UTP20: variants seen among roughly 807,000 people sequenced by gnomAD.
The protein encoded by UTP20 is small subunit processome component 20 homolog.
Under a neutral mutation model 329.5 loss-of-function variants are expected in UTP20, and 164 were observed. That is an observed-to-expected ratio of 0.50 (90% CI 0.44 to 0.57). The LOEUF is 0.57. Among genes scored for constraint, UTP20 ranks in the 20% least tolerant of loss-of-function variants. UTP20 has a pLI of 0.00. For missense variants in UTP20, 3,055 were observed against 3,284.2 expected, an observed-to-expected ratio of 0.93 and a Z score of 1.71; for synonymous variants, 1,151 against 1,159.3, an observed-to-expected ratio of 0.99 and a Z score of 0.14.
At chr12:101,379,171 CTTCT>C (rs1305820865) in intron 56 of UTP20, among the ~76,000 whole-genome samples, 196 bp from the exon 57 acceptor site, 1 of 152,126 alleles carries the variant, frequency 6.6e-6, no homozygotes, top group Non-Finnish European at 1.5e-5. Flanking sequence ...AAACTTATTC[CTTCT>C]ATCTAATTCT....
intron 48 of UTP20, among the ~76,000 whole-genome samples, chr12:101,368,449 TA>T (rs1321419907): frequency 7.2e-5 from 11 of 152,228 alleles, no homozygotes; most frequent in South Asian, 2.1e-4. Flanking sequence ...ATTGAGTTTT[TA>T]AAGAGATTTA....
rs1219252817 is a variant in UTP20, at chr12:101,290,209, G to A, written c.670G>A (p.Val224Ile). The change falls in exon 7 of 62, where the codon GTT becomes ATT. Residue 224 changes from valine to isoleucine, a missense_variant. Val to Ile is a conservative substitution (Grantham distance 29). Around this residue, in one of 3 missense-constraint regions of UTP20, gnomAD observed 2,445 missense variants for 2,575.5 expected, o/e 0.95. Transcript: ENST00000261637. ...TAAACATCCAGAAAAAGTTGAAGGT[G>A]TTGGACAGTTGCTCTTTGAAATGTG... ...LDKHPEKVEG[V>I]GQLLFEMCKG... The A allele has an allele frequency of 3.7e-6, 6 of 1,608,814 alleles. No homozygotes were observed. The highest frequency in any genetic ancestry group is 5.1e-6 in the Non-Finnish European group (6 of 1,177,456).
intron 17 of UTP20, among the ~76,000 whole-genome samples, chr12:101,307,103 G>A (rs1442587410): frequency 1.3e-5 from 2 of 151,386 alleles, no homozygotes; most frequent in Non-Finnish European, 3.0e-5. Flanking sequence ...GTGTGAACCC[G>A]GGAGGCGGAG....
Position 101,341,886 on chromosome 12 carries a change from CAG to C in UTP20, c.4102-557_4102-556del, listed in dbSNP as rs368477141. On this transcript the variant is annotated intron_variant, in intron 32 of 61. Coordinates refer to ENST00000261637, the MANE Select transcript of UTP20 (RefSeq NM_014503.3). ...TGCCACTGCACTCCAGACTGGACAACAGAGTGAGACTCCATCTCAAAAAATAT... is the reference window on the plus strand; with the variant it reads ...TGCCACTGCACTCCAGACTGGACAACAGTGAGACTCCATCTCAAAAAATAT... 1.4e-3 allele frequency among the ~76,000 whole-genome samples: 214 copies of C among 152,142 alleles called. 1 individual carries two copies. The highest frequency in any genetic ancestry group is 2.3e-3 in the Non-Finnish European group (158 of 68,014).
At chr12:101,383,372 T>C in intron 59 of UTP20, 59 bp downstream of exon 59, 1 of 1,508,186 alleles carries the variant, frequency 6.6e-7, no homozygotes, top group Non-Finnish European at 9.0e-7. Flanking sequence ...AGTATTTTAA[T>C]GATATTAGTG....
intron 40 of UTP20, among the ~76,000 whole-genome samples, chr12:101,353,844 T>C (rs1869623547): frequency 6.6e-6 from 1 of 152,246 alleles, no homozygotes; most frequent in Non-Finnish European, 1.5e-5. Flanking sequence ...AAAGGTATCT[T>C]CGTATTTATA....
At position 101,379,359 on chromosome 12, in the gene UTP20, T is replaced by C; in HGVS notation, c.7397-12T>C. The C allele has an allele frequency of 6.4e-7, 1 of 1,572,030 alleles. No homozygotes were observed. Among genetic ancestry groups the C allele is most frequent in the Non-Finnish European group, 8.7e-7 (1 of 1,155,994 alleles). ...CCATGTGACATCCACAAATGCTTTT[T>C]GGTTCCCTTAGGTCATGTGCATTCT... On this transcript the variant is annotated splice_polypyrimidine_tract_variant and intron_variant, in intron 56 of 61. Coordinates refer to ENST00000261637, the MANE Select transcript of UTP20 (RefSeq NM_014503.3).
At chr12:101,357,632 T>G (rs1304277117) in intron 43 of UTP20, among the ~76,000 whole-genome samples, 2 of 152,164 alleles carry the variant, frequency 1.3e-5, no homozygotes, top group Non-Finnish European at 2.9e-5. Flanking sequence ...CACACGTTTG[T>G]GGTCCCAGCT....
chr12:101,357,113 T>C, intron 43 of UTP20, 31 bp downstream of exon 43: 2 of 1,583,592 alleles, frequency 1.3e-6, no homozygotes, highest in South Asian at 2.3e-5. Context: ...TATATTCAAG[T>C]TGTATTGGAG....
chr12:101,297,334 G>T (rs1872389231), intron 12 of UTP20, among the ~76,000 whole-genome samples: 1 of 152,116 alleles, frequency 6.6e-6, no homozygotes, highest in African/African-American at 2.4e-5. Flanking sequence ...TCTCACTTGA[G>T]CCTCCCAGGT....
Position 101,317,668 on chromosome 12 carries a change from G to A in UTP20, c.2738+5G>A. The A allele has an allele frequency of 6.2e-7, 1 of 1,600,516 alleles. No homozygotes were observed. Among genetic ancestry groups the A allele is most frequent in the Non-Finnish European group, 8.5e-7 (1 of 1,173,820 alleles). The stretch of plus-strand genomic sequence containing the variant: ...GACGAGGAGAGCTGCAGCAAAGTAA[G>A]TTCACCATTGCTGAAAGATCACAGA... On this transcript the variant is annotated splice_donor_5th_base_variant and intron_variant, in intron 22 of 61. Transcript: ENST00000261637.
intron 2 of UTP20, among the ~76,000 whole-genome samples, chr12:101,283,643 AT>A (rs1871867186): frequency 6.6e-6 from 1 of 152,182 alleles, no homozygotes; most frequent in South Asian, 2.1e-4. Context: ...TGTGTTGCAT[AT>A]TTTCTTTCTG....
At chr12:101,359,637 C>G (rs1171128808) in intron 43 of UTP20, among the ~76,000 whole-genome samples, 1 of 152,018 alleles carries the variant, frequency 6.6e-6, no homozygotes, top group African/African-American at 2.4e-5. Context: ...TTTCTTATTT[C>G]AGTTTTTGGG....
intron 36 of UTP20, 119 bp downstream of exon 36, chr12:101,344,869 G>C (rs1869265874): frequency 2.8e-6 from 2 of 706,776 alleles, no homozygotes; most frequent in South Asian, 2.6e-5. Context: ...GAGAATACTT[G>C]GTTGAGTAAA....
intron 2 of UTP20, among the ~76,000 whole-genome samples, chr12:101,283,271 G>A (rs766077316): frequency 2.6e-4 from 40 of 152,184 alleles, no homozygotes; most frequent in Non-Finnish European, 4.1e-4. Flanking sequence ...CCTCTGTCAC[G>A]TGTCTGGCAG....
chr12:101,382,789 G>GT (rs1339544737), intron 58 of UTP20, among the ~76,000 whole-genome samples: 1 of 151,186 alleles, frequency 6.6e-6, no homozygotes, highest in African/African-American at 2.4e-5. Flanking sequence ...GGAGGGGGAT[G>GT]TCACAGTGAG....
At chr12:101,286,194 T>A in intron 4 of UTP20, 127 bp from the exon 5 acceptor site, 1 of 939,922 alleles carries the variant, frequency 1.1e-6, no homozygotes, top group Non-Finnish European at 1.5e-6. Flanking sequence ...TTTATAATTT[T>A]TCAGACTTGA....
Position 101,352,188 on chromosome 12 carries a change from G to C in UTP20, c.5018G>C (p.Gly1673Ala), listed in dbSNP as rs750088372. 5 of 1,603,056 alleles carry C rather than the reference G, an allele frequency of 3.1e-6. No homozygotes were observed. The South Asian group carries it at 4.6e-5, about 15-fold the overall frequency. ...LQTGQINQKL[G>A]VSLLVIVLEA... ...ACGGGACAGATCAATCAAAAACTGG[G>C]TGTCAGGTGTGGTCAAACTTCTTAT... Residue 1673 changes from glycine to alanine, a missense_variant, in exon 39 of 62, where the codon GGT becomes GCT. Around this residue, in one of 3 missense-constraint regions of UTP20, gnomAD observed 2,445 missense variants for 2,575.5 expected, o/e 0.95. Coordinates refer to ENST00000261637, the MANE Select transcript of UTP20 (RefSeq NM_014503.3).
intron 5 of UTP20, among the ~76,000 whole-genome samples, chr12:101,286,794 C>G (rs1016365756): frequency 6.6e-6 from 1 of 152,078 alleles, no homozygotes; most frequent in African/African-American, 2.4e-5. Context: ...ATTTTGTACT[C>G]TCTATCCTCT....
Sources: allele counts gnomAD v4.1 joint callset (sites outside exome capture counted in the v4.1 genomes callset), GRCh38; gene constraint gnomAD v4.1.1; regional missense constraint gnomAD v4.1.1; transcripts MANE v1.5; gene names NCBI Gene and HGNC (gene_info 2026-07-23, HGNC 2026-07-21).